The following CORIN variants were observed in gnomAD, a reference collection of about 807,000 sequenced individuals.
CORIN encodes the protein corin, serine peptidase.
A neutral mutation model predicts 125.3 loss-of-function variants in CORIN; 117 were observed. The observed-to-expected ratio is 0.93, with a 90% CI of 0.80 to 1.09. The LOEUF is 1.09. Among genes scored for constraint, CORIN ranks in the 50% least tolerant of loss-of-function variants. The probability of loss-of-function intolerance (pLI) is 0.00; values close to 1 mark genes in which losing one functional copy is unlikely to be tolerated. For missense variants in CORIN, 1,253 were observed against 1,306.7 expected (o/e 0.96, Z 0.63); for synonymous variants, 450 against 466.4 (o/e 0.96, Z 0.45).
chr4:47,613,600 C>T (rs1040203069), intron 19 of CORIN, among the ~76,000 whole-genome samples: 3 of 151,674 alleles, frequency 2.0e-5, no homozygotes, highest in African/African-American at 7.3e-5. Flanking sequence ...AAATGTGGCA[C>T]ATATACACCA....
At chr4:47,694,919 A>G (rs565090598) in intron 5 of CORIN, among the ~76,000 whole-genome samples, 1 of 152,260 alleles carries the variant, frequency 6.6e-6, no homozygotes, top group African/African-American at 2.4e-5. Context: ...CAACTCATTG[A>G]ACATTAAGCA....
At chr4:47,792,682 C>T (rs1731132292) in intron 2 of CORIN, among the ~76,000 whole-genome samples, 1 of 152,158 alleles carries the variant, frequency 6.6e-6, no homozygotes, top group Non-Finnish European at 1.5e-5. Flanking sequence ...CATTCTCTGG[C>T]CTCTTGAGTG....
At chr4:47,641,759 C>A (rs1244377872) in intron 16 of CORIN, among the ~76,000 whole-genome samples, 161 bp downstream of exon 16, 1 of 152,186 alleles carries the variant, frequency 6.6e-6, no homozygotes, top group East Asian at 1.9e-4. Context: ...GGGCAGGTGC[C>A]TATAATTAAA....
At chr4:47,657,626 G>A (rs1045117639) in intron 12 of CORIN, among the ~76,000 whole-genome samples, 1 of 151,938 alleles carries the variant, frequency 6.6e-6, no homozygotes, top group Non-Finnish European at 1.5e-5. Flanking sequence ...GGCTTTAAAG[G>A]AGGCCTAGAG....
intron 1 of CORIN, among the ~76,000 whole-genome samples, chr4:47,836,916 T>C (rs1309093623): frequency 1.3e-5 from 2 of 152,116 alleles, no homozygotes; most frequent in African/African-American, 4.8e-5. Context: ...CACCGGTCGG[T>C]CCCCGATTCG....
At chr4:47,600,007 A>C (rs1438527945) in intron 21 of CORIN, among the ~76,000 whole-genome samples, 3 of 152,228 alleles carry the variant, frequency 2.0e-5, no homozygotes, top group Non-Finnish European at 4.4e-5. Context: ...GAGACAGTAG[A>C]AGGCACCCTG....
intron 19 of CORIN, among the ~76,000 whole-genome samples, chr4:47,609,933 C>T (rs1721807658): frequency 6.6e-6 from 1 of 152,222 alleles, no homozygotes. Flanking sequence ...ATGACATGAT[C>T]TCATTCCATT....
intron 19 of CORIN, among the ~76,000 whole-genome samples, chr4:47,615,988 C>A (rs1394618376): frequency 1.3e-5 from 2 of 152,068 alleles, no homozygotes; most frequent in Non-Finnish European, 2.9e-5. Context: ...TATTAGCGAA[C>A]CGATGGATGA....
intron 5 of CORIN, among the ~76,000 whole-genome samples, chr4:47,734,702 C>T (rs1728044187): frequency 1.3e-5 from 2 of 152,164 alleles, no homozygotes; most frequent in Admixed American, 6.5e-5. Flanking sequence ...CCCTGGACCA[C>T]GGTTTCTCAA....
At chr4:47,778,082 A>G (rs1730379602) in intron 3 of CORIN, among the ~76,000 whole-genome samples, 1 of 152,176 alleles carries the variant, frequency 6.6e-6, no homozygotes, top group Non-Finnish European at 1.5e-5. Flanking sequence ...TATTTTTACA[A>G]TGCTGTTAAC....
At chr4:47,710,091 T>C (rs1726769788) in intron 5 of CORIN, among the ~76,000 whole-genome samples, 1 of 152,254 alleles carries the variant, frequency 6.6e-6, no homozygotes, top group Non-Finnish European at 1.5e-5. Context: ...ATGTTTCTTC[T>C]GACATTTGCT....
chr4:47,766,802 CGGGTGTGATGGT>C lies in CORIN; in HGVS notation c.410-3228_410-3217del, dbSNP rs530367522. On this transcript the variant is annotated intron_variant, in intron 3 of 21. Transcript: ENST00000273857. ...CTCTAGTAAAAATACAAAAATTAGC[CGGGTGTGATGGT>C]GGGCGCCTGTAATCCCAGCTACTCG... 1.5e-3 allele frequency among the ~76,000 whole-genome samples: 227 copies of C among 151,680 alleles called. 3 individuals are homozygous for C. The South Asian group carries it at 0.046, about 31-fold the overall frequency.
At chr4:47,761,377 A>G (rs1729448330) in intron 4 of CORIN, among the ~76,000 whole-genome samples, 1 of 152,116 alleles carries the variant, frequency 6.6e-6, no homozygotes, top group African/African-American at 2.4e-5. Context: ...TGTCTCGCAG[A>G]ATAGGAAGGC....
At chr4:47,770,183 A>G (rs968229105) in intron 3 of CORIN, among the ~76,000 whole-genome samples, 1 of 152,198 alleles carries the variant, frequency 6.6e-6, no homozygotes, top group Admixed American at 6.5e-5. Context: ...TAAATTTAAA[A>G]GTGGGAAAAG....
chr4:47,783,311 ATAATT>A (rs369093825), intron 3 of CORIN, among the ~76,000 whole-genome samples: 2 of 152,244 alleles, frequency 1.3e-5, no homozygotes, highest in East Asian at 3.9e-4. Context: ...TTTTCACATT[ATAATT>A]TGTTTTCAAA....
At chr4:47,626,674 C>A (rs1274378439) in intron 16 of CORIN, among the ~76,000 whole-genome samples, 153 bp from the exon 17 acceptor site, 2 of 152,152 alleles carry the variant, frequency 1.3e-5, no homozygotes, top group Non-Finnish European at 2.9e-5. Flanking sequence ...ATTGTTAGAG[C>A]TGTTTTAGTC....
intron 2 of CORIN, among the ~76,000 whole-genome samples, chr4:47,798,069 T>C (rs1228817387): frequency 4.6e-5 from 7 of 152,180 alleles, no homozygotes. Context: ...TGGAACCATA[T>C]GGACAACTCA....
At chr4:47,627,134 A>ACAGGTACTGGGATCACAAGTAGCTGGG (rs1722610316) in intron 16 of CORIN, among the ~76,000 whole-genome samples, 2 of 151,846 alleles carry the variant, frequency 1.3e-5, no homozygotes, top group African/African-American at 4.8e-5. Flanking sequence ...AGGTACATGC[A>ACAGGTACTGGGATCACAAGTAGCTGGG]ATCACGCCCA....
chr4:47,607,265 C>G (rs565302470), intron 19 of CORIN, among the ~76,000 whole-genome samples: 1 of 151,884 alleles, frequency 6.6e-6, no homozygotes. Context: ...AAAATTAGCC[C>G]GGCATGGTGG....
Sources: gnomAD v4.1 joint callset for allele counts (sites outside exome capture counted in the v4.1 genomes callset) on GRCh38, gnomAD v4.1.1 for gene constraint, MANE v1.5 for transcripts, NCBI Gene and HGNC (gene_info 2026-07-23, HGNC 2026-07-21) for gene names.